GRID1: variants seen among roughly 807,000 people sequenced by gnomAD.
The protein encoded by GRID1 is glutamate ionotropic receptor delta type subunit 1.
In GRID1, 28 loss-of-function variants were observed where a neutral mutation model predicts 98.0. The observed-to-expected ratio is 0.29, with a 90% CI of 0.21 to 0.39. The LOEUF (loss-of-function observed/expected upper bound fraction) is 0.39. Ranked by LOEUF, GRID1 falls within the 10% of genes least tolerant of loss-of-function variation. The pLI is 1.00. For synonymous variants in GRID1, 553 were observed against 538.5 expected (o/e 1.03, Z -0.37); for missense variants, 1,111 against 1,340.5 (o/e 0.83, Z 2.67).
chr10:86,085,112 C>T lies in GRID1; in HGVS notation c.726+53707G>A, dbSNP rs117378884. On this transcript the variant is annotated intron_variant, in intron 4 of 15. Transcript: ENST00000327946. The stretch of plus-strand genomic sequence containing the variant: ...CAGGGAAGAGCATTTCAGGAAGAAA[C>T]CCCCGTGATAAGCCTCTCTCTCACT... Among the ~76,000 whole-genome samples, 438 of 152,298 alleles carry T rather than the reference C, an allele frequency of 2.9e-3. 10 individuals are homozygous for T. In the East Asian group the frequency reaches 0.057, roughly 20 times the overall value.
At chr10:85,876,055 A>G (rs1255671586) in intron 5 of GRID1, among the ~76,000 whole-genome samples, 3 of 152,126 alleles carry the variant, frequency 2.0e-5, no homozygotes, top group Non-Finnish European at 4.4e-5. Context: ...GTCGACTACT[A>G]TTTTCTCTTA....
At chr10:86,289,276 G>A (rs1209567666) in intron 2 of GRID1, among the ~76,000 whole-genome samples, 1 of 152,174 alleles carries the variant, frequency 6.6e-6, no homozygotes, top group Non-Finnish European at 1.5e-5. Flanking sequence ...ATGAAACTGA[G>A]TGAGGAAGAG....
At chr10:85,786,006 T>TATACAC (rs1482685733) in intron 8 of GRID1, among the ~76,000 whole-genome samples, 2 of 151,838 alleles carry the variant, frequency 1.3e-5, no homozygotes, top group Non-Finnish European at 1.5e-5. Flanking sequence ...GTACACATAC[T>TATACAC]ATACACATAC....
intron 8 of GRID1, among the ~76,000 whole-genome samples, chr10:85,780,115 C>T (rs562331394): frequency 1.6e-4 from 24 of 152,190 alleles, no homozygotes; most frequent in Non-Finnish European, 2.6e-4. Context: ...AGCTCTACCT[C>T]GCACCATGCT....
At chr10:86,085,850 G>A (rs1844046864) in intron 4 of GRID1, among the ~76,000 whole-genome samples, 1 of 152,112 alleles carries the variant, frequency 6.6e-6, no homozygotes, top group South Asian at 2.1e-4. Context: ...TACTCACCGA[G>A]CCCCAAGAGC....
intron 4 of GRID1, among the ~76,000 whole-genome samples, chr10:86,004,956 T>A (rs1426998612): frequency 6.6e-6 from 1 of 152,140 alleles, no homozygotes; most frequent in Non-Finnish European, 1.5e-5. Context: ...TATCATTGAT[T>A]CCATTTTATA....
chr10:86,060,371 A>G (rs546240994), intron 4 of GRID1, among the ~76,000 whole-genome samples: 5 of 152,322 alleles, frequency 3.3e-5, no homozygotes, highest in Non-Finnish European at 1.5e-5. Context: ...GGAACTAGCT[A>G]CAGGGGCGAA....
chr10:86,209,555 C>A (rs902330285), intron 2 of GRID1, among the ~76,000 whole-genome samples: 4 of 152,200 alleles, frequency 2.6e-5, no homozygotes, highest in Non-Finnish European at 5.9e-5. Context: ...GCAGAAAGCA[C>A]ACCCATGAAA....
intron 12 of GRID1, among the ~76,000 whole-genome samples, chr10:85,710,568 A>T (rs182190835): frequency 6.6e-4 from 100 of 152,258 alleles, no homozygotes; most frequent in African/African-American, 2.2e-3. Context: ...GGCAATGAAT[A>T]TTATACCTAA....
intron 12 of GRID1, among the ~76,000 whole-genome samples, chr10:85,691,279 A>G (rs1841328893): frequency 6.6e-6 from 1 of 152,226 alleles, no homozygotes; most frequent in African/African-American, 2.4e-5. Flanking sequence ...TTAGAAAGCA[A>G]TTCTGCCATA....
intron 4 of GRID1, among the ~76,000 whole-genome samples, chr10:85,983,368 T>C (rs1373545686): frequency 6.6e-6 from 1 of 152,232 alleles, no homozygotes; most frequent in African/African-American, 2.4e-5. Flanking sequence ...GGTGAGATTA[T>C]GCTACGTGTC....
chr10:85,783,297 G>A (rs1190150159), intron 8 of GRID1, among the ~76,000 whole-genome samples: 1 of 152,186 alleles, frequency 6.6e-6, no homozygotes, highest in African/African-American at 2.4e-5. Flanking sequence ...AAAGTGCAAG[G>A]TGCTCAAACC....
chr10:85,797,369 T>C (rs1842534753), intron 8 of GRID1, among the ~76,000 whole-genome samples: 1 of 152,118 alleles, frequency 6.6e-6, no homozygotes, highest in South Asian at 2.1e-4. Context: ...CTTCACCACC[T>C]ACCAACTCTA....
chr10:85,638,383 G>A (rs555735478), intron 13 of GRID1, among the ~76,000 whole-genome samples: 1 of 152,284 alleles, frequency 6.6e-6, no homozygotes, highest in African/African-American at 2.4e-5. Context: ...TAAAGAATCT[G>A]AAATTGCCCA....
chr10:85,680,822 A>G (rs535502943), intron 12 of GRID1, among the ~76,000 whole-genome samples: 40 of 152,290 alleles, frequency 2.6e-4, no homozygotes, highest in African/African-American at 9.4e-4. Flanking sequence ...AAATAATAAA[A>G]TCACTTTTGC....
At chr10:85,653,957 C>G (rs1482668027) in intron 12 of GRID1, among the ~76,000 whole-genome samples, 1 of 151,930 alleles carries the variant, frequency 6.6e-6, no homozygotes, top group Non-Finnish European at 1.5e-5. Flanking sequence ...CTGTTATAAG[C>G]AAGAAAAAAA....
At chr10:85,906,142 A>T (rs1353843907) in intron 5 of GRID1, among the ~76,000 whole-genome samples, 2 of 152,148 alleles carry the variant, frequency 1.3e-5, no homozygotes, top group Non-Finnish European at 2.9e-5. Flanking sequence ...AGCAGAAAAA[A>T]ATACCAGGGA....
At chr10:85,796,542 G>A (rs943287420) in intron 8 of GRID1, among the ~76,000 whole-genome samples, 1 of 152,072 alleles carries the variant, frequency 6.6e-6, no homozygotes, top group Non-Finnish European at 1.5e-5. Context: ...GATATAAAAG[G>A]CTCAGAAATA....
At chr10:85,877,789 G>C (rs963027437) in intron 5 of GRID1, among the ~76,000 whole-genome samples, 2 of 152,228 alleles carry the variant, frequency 1.3e-5, no homozygotes, top group African/African-American at 4.8e-5. Flanking sequence ...TTGACGAGTT[G>C]AGAGAAGAAG....
Sources: gnomAD v4.1 joint callset for allele counts (sites outside exome capture counted in the v4.1 genomes callset) on GRCh38, gnomAD v4.1.1 for gene constraint, MANE v1.5 for transcripts, NCBI Gene and HGNC (gene_info 2026-07-23, HGNC 2026-07-21) for gene names.